The following FMN1 variants were observed in gnomAD, a reference collection of about 807,000 sequenced individuals.
FMN1 encodes formin 1, also known as formin-1.
Under a neutral mutation model 132.4 loss-of-function variants are expected in FMN1, and 110 were observed. The ratio of observed to expected loss-of-function variants is 0.83; its 90% CI spans 0.71 to 0.97. The LOEUF (loss-of-function observed/expected upper bound fraction) is 0.97. FMN1 is among the 50% of genes least tolerant of loss of function. The pLI is 0.00. For synonymous variants in FMN1, 722 were observed against 651.7 expected (o/e 1.11, Z -1.64); for missense variants, 1,792 against 1,705.3 (o/e 1.05, Z -0.90).
intron 5 of FMN1, among the ~76,000 whole-genome samples, chr15:33,082,302 A>AC (rs2038513662): frequency 6.6e-6 from 1 of 152,018 alleles, no homozygotes; most frequent in African/African-American, 2.4e-5. Flanking sequence ...CCAACTCCCG[A>AC]CCTCAGGTGA....
intron 3 of FMN1, among the ~76,000 whole-genome samples, chr15:33,167,847 T>C (rs8024178): frequency 0.81 from 123,678 of 152,200 alleles, 50,741 homozygotes; most frequent in Middle Eastern, 0.92. Flanking sequence ...TCTTTATCCT[T>C]ATTGTCTTCA....
intron 16 of FMN1, among the ~76,000 whole-genome samples, chr15:32,884,881 T>C (rs753263443): frequency 6.6e-6 from 1 of 152,218 alleles, no homozygotes; most frequent in Non-Finnish European, 1.5e-5. Flanking sequence ...TCCACAAACA[T>C]AGCCAGCTGG....
At chr15:33,064,856 A>G (rs1274172022) in intron 6 of FMN1, 101 bp downstream of exon 6, 1 of 773,516 alleles carries the variant, frequency 1.3e-6, no homozygotes, top group African/African-American at 1.7e-5. Flanking sequence ...TACATTTTAT[A>G]ATGAAATAAA....
chr15:33,083,824 T>C (rs1010130076), intron 5 of FMN1, among the ~76,000 whole-genome samples: 1 of 152,126 alleles, frequency 6.6e-6, no homozygotes, highest in Non-Finnish European at 1.5e-5. Flanking sequence ...ACCCTGCTGA[T>C]ACAGGATGTC....
At chr15:33,160,876 T>C (rs1964861847) in intron 3 of FMN1, among the ~76,000 whole-genome samples, 1 of 152,196 alleles carries the variant, frequency 6.6e-6, no homozygotes, top group Non-Finnish European at 1.5e-5. Context: ...TGATTCTTTT[T>C]CCAATAAACA....
intron 9 of FMN1, among the ~76,000 whole-genome samples, chr15:32,949,614 C>G (rs1055931229): frequency 6.6e-6 from 1 of 151,854 alleles, no homozygotes; most frequent in Non-Finnish European, 1.5e-5. Context: ...AGAAGACAAC[C>G]TAGGCAATAC....
chr15:33,067,880 T>C lies in FMN1; in HGVS notation c.2044-2806A>G, dbSNP rs574800829. 5 of 1,607,526 alleles carry C rather than the reference T, an allele frequency of 3.1e-6. No individual in the cohort carries two copies. In the East Asian group the frequency reaches 6.7e-5, roughly 21 times the overall value. On this transcript the variant is annotated intron_variant, in intron 5 of 20. Coordinates refer to ENST00000616417, the MANE Select transcript of FMN1 (RefSeq NM_001277313.2). ...GCCATCCAGAGAATTATCAACGTTC[T>C]CCATGTCTCAGTAATGCCCTTGGTG...
intron 6 of FMN1, among the ~76,000 whole-genome samples, chr15:33,029,475 G>A (rs1171187771): frequency 6.6e-6 from 1 of 152,066 alleles, no homozygotes; most frequent in Non-Finnish European, 1.5e-5. Context: ...AGGAACACAC[G>A]CTAGGGATGG....
intron 4 of FMN1, among the ~76,000 whole-genome samples, chr15:33,103,789 T>C (rs907843086): frequency 3.3e-5 from 5 of 152,120 alleles, no homozygotes; most frequent in African/African-American, 1.2e-4. Context: ...CACCTTGAAT[T>C]TATTTGGTCA....
chr15:33,009,877 G>T (rs2034615033), intron 6 of FMN1, among the ~76,000 whole-genome samples: 1 of 151,958 alleles, frequency 6.6e-6, no homozygotes, highest in Non-Finnish European at 1.5e-5. Context: ...CATCAACATG[G>T]AGGAATCTTT....
At chr15:33,177,502 T>A (rs1455110691) in intron 3 of FMN1, among the ~76,000 whole-genome samples, 1 of 152,130 alleles carries the variant, frequency 6.6e-6, no homozygotes, top group Admixed American at 6.5e-5. Flanking sequence ...AGTGTCCTCA[T>A]CTGTAAAAAG....
rs181536333 is a variant in FMN1 at position 32,891,402 on chromosome 15, C to G, written c.3715-3110G>C. Among the ~76,000 whole-genome samples, 163 of 152,322 alleles carry G rather than the reference C, an allele frequency of 1.1e-3. 1 individual carries two copies. In the East Asian group the frequency reaches 0.021, roughly 20 times the overall value. ...AGCTGGGACCACAGGCACCCGCCAC[C>G]ACGCCCAGCTAATTTATTTTTAGTA... On this transcript the variant is annotated intron_variant, in intron 15 of 20. Transcript: ENST00000616417.
chr15:33,033,732 A>T (rs2036058764), intron 6 of FMN1, among the ~76,000 whole-genome samples: 2 of 150,408 alleles, frequency 1.3e-5, no homozygotes, highest in African/African-American at 2.5e-5. Context: ...GTCTCCAATT[A>T]TCATTCTCTT....
intron 12 of FMN1, 96 bp downstream of exon 12, chr15:32,908,394 T>A: frequency 1.3e-6 from 1 of 775,674 alleles, no homozygotes; most frequent in Non-Finnish European, 2.2e-6. Flanking sequence ...TTTAGCTGGC[T>A]GCACATTTAG....
intron 17 of FMN1, among the ~76,000 whole-genome samples, chr15:32,808,318 C>T (rs990261141): frequency 6.6e-6 from 1 of 152,172 alleles, no homozygotes. Context: ...GTGTCATGAG[C>T]CAATCACAGT....
chr15:33,125,548 A>G (rs1047567398), intron 4 of FMN1, among the ~76,000 whole-genome samples: 2 of 152,170 alleles, frequency 1.3e-5, no homozygotes, highest in Admixed American at 6.5e-5. Context: ...GCTTAAAAAA[A>G]TTCAGAATAG....
chr15:32,993,125 G>A (rs1596416846), intron 7 of FMN1, among the ~76,000 whole-genome samples: 1 of 151,794 alleles, frequency 6.6e-6, no homozygotes, highest in Non-Finnish European at 1.5e-5. Context: ...ACCTGCTGAG[G>A]CCCCAGTGAA....
chr15:33,008,219 A>C, intron 6 of FMN1, 144 bp from the exon 7 acceptor site: 1 of 672,786 alleles, frequency 1.5e-6, no homozygotes, highest in Non-Finnish European at 2.5e-6. Context: ...AAATTACAGA[A>C]AGATAGGACA....
intron 5 of FMN1, among the ~76,000 whole-genome samples, chr15:33,079,995 T>G: frequency 6.6e-6 from 1 of 152,198 alleles, no homozygotes; most frequent in Non-Finnish European, 1.5e-5. Context: ...TCATTCTTTT[T>G]CTCTTACACA....
Sources: gnomAD v4.1 joint callset for allele counts (sites outside exome capture counted in the v4.1 genomes callset) on GRCh38, gnomAD v4.1.1 for gene constraint, MANE v1.5 for transcripts, NCBI Gene and HGNC (gene_info 2026-07-23, HGNC 2026-07-21) for gene names.